FAM162A: variants seen among roughly 807,000 people sequenced by gnomAD.
FAM162A encodes the protein protein FAM162A.
FAM162A carries 23 observed loss-of-function variants against 21.8 expected under a neutral mutation model. The observed-to-expected ratio is 1.05, with a 90% CI of 0.76 to 1.49. The LOEUF is 1.49. FAM162A is among the 40% of genes most tolerant of loss of function. The pLI is 0.00. For synonymous variants in FAM162A, 53 were observed against 61.3 expected (o/e 0.86, Z 0.64); for missense variants, 165 against 186.4 (o/e 0.89, Z 0.67).
rs951039944 is a variant in FAM162A, at chr3:122,407,264, T to A, written c.264-17T>A. On this transcript the variant is annotated splice_polypyrimidine_tract_variant and intron_variant, in intron 3 of 4. Coordinates refer to ENST00000477892, the MANE Select transcript of FAM162A (RefSeq NM_014367.4). ...AAAAGTTAATAACTTTCTCTCATGATCTCATTGTATTACTAGGTTGGAGAT... is the reference window on the plus strand; with the variant it reads ...AAAAGTTAATAACTTTCTCTCATGAACTCATTGTATTACTAGGTTGGAGAT... The A allele has an allele frequency of 7.5e-6, 12 of 1,606,444 alleles. No homozygotes were observed. The highest frequency in any genetic ancestry group is 1.0e-5 in the Non-Finnish European group (12 of 1,173,646).
At chr3:122,408,566 G>A (rs138958884) in intron 4 of FAM162A, among the ~76,000 whole-genome samples, 108 of 152,272 alleles carry the variant, frequency 7.1e-4, no homozygotes, top group African/African-American at 2.4e-3. Context: ...ATGGGAGTAC[G>A]AAGGGGCAAA....
Position 122,402,804 on chromosome 3 carries a change from A to G in FAM162A, c.79A>G (p.Arg27Gly), listed in dbSNP as rs1560001670. The G allele has an allele frequency of 1.2e-6, 2 of 1,602,362 alleles. No homozygotes were observed. Among genetic ancestry groups the G allele is most frequent in the South Asian group, 1.1e-5 (1 of 87,670 alleles). ...TGAAAGAGATGTTTCCTCATCTCTAAGGCTTACCAGAAGCTCTGATTTGAA... is the reference window on the plus strand; with the variant it reads ...TGAAAGAGATGTTTCCTCATCTCTAGGGCTTACCAGAAGCTCTGATTTGAA... ...LCERDVSSSLRLTRSSDLKRI... is the reference protein window; with the variant it reads ...LCERDVSSSLGLTRSSDLKRI... The change falls in exon 2 of 5, where the codon AGG (arginine) becomes GGG (glycine). Residue 27 changes from arginine (R) to glycine (G), a missense_variant. Arg to Gly is a moderately radical substitution (Grantham distance 125). Transcript: ENST00000477892.
chr3:122,406,997 A>ATTT lies in FAM162A; in HGVS notation c.264-274_264-272dup, dbSNP rs11459889. Among the ~76,000 whole-genome samples the ATTT allele has an allele frequency of 3.1e-3, 460 of 146,148 alleles. 1 individual carries two copies. In the East Asian group the frequency reaches 0.034, roughly 11 times the overall value. ...AAGTGTAGATTAATATGCCTTGCCC[A>ATTT]TTTTTTTTTTTTGGCTTTGTTCTTG... On this transcript the variant is annotated intron_variant, in intron 3 of 4. Transcript: ENST00000477892.
chr3:122,392,932 C>T (rs1004204827), intron 1 of FAM162A, among the ~76,000 whole-genome samples: 12 of 152,148 alleles, frequency 7.9e-5, no homozygotes, highest in African/African-American at 2.7e-4. Flanking sequence ...AGTTAGAGAG[C>T]CTGCTGTGTT....
At chr3:122,395,586 A>G (rs1436948385) in intron 1 of FAM162A, among the ~76,000 whole-genome samples, 1 of 152,200 alleles carries the variant, frequency 6.6e-6, no homozygotes, top group Non-Finnish European at 1.5e-5. Context: ...TGAGAGACTT[A>G]ATATTTTTAA....
intron 1 of FAM162A, among the ~76,000 whole-genome samples, chr3:122,396,044 C>T (rs1207798799): frequency 6.6e-6 from 1 of 152,070 alleles, no homozygotes; most frequent in Non-Finnish European, 1.5e-5. Flanking sequence ...TAGTATAACT[C>T]AAAATGGATC....
rs912661905 is a variant in FAM162A, at chr3:122,401,578, G to A, written c.35-1182G>A. 36 of 1,228,634 alleles carry A rather than the reference G, an allele frequency of 2.9e-5. No individual in the cohort carries two copies. In the African/African-American group the frequency reaches 5.2e-4, roughly 18 times the overall value. The allele number at this position is 1,228,634 out of a possible 1,614,324, so 76.1% of individuals were successfully genotyped here. A position where few individuals can be genotyped will look rare whatever the true frequency, so the allele number is the denominator to read the frequency against. ...TAATTTTTATTTTTTAAAAGCTCAG[G>A]TGATTATAATTTCATCTGTGAAATG... On this transcript the variant is annotated intron_variant, in intron 1 of 4. Transcript: ENST00000477892.
At chr3:122,407,596 G>C in intron 4 of FAM162A, 1 of 506,058 alleles carries the variant, frequency 2.0e-6, no homozygotes, top group Non-Finnish European at 3.5e-6. Flanking sequence ...TAACTTTGGC[G>C]TGGTGAAGAA....
intron 1 of FAM162A, among the ~76,000 whole-genome samples, chr3:122,384,769 T>A (rs2107693377): frequency 6.6e-6 from 1 of 152,332 alleles, no homozygotes; most frequent in Non-Finnish European, 1.5e-5. Flanking sequence ...TCATTAAATG[T>A]CTGATTAGGC....
Position 122,404,363 on chromosome 3 carries a change from C to T in FAM162A, c.263C>T (p.Ser88Leu), listed in dbSNP as rs769819160. 9.1e-6 allele frequency: 14 copies of T among 1,535,180 alleles called. No individual in the cohort carries two copies. The highest frequency in any genetic ancestry group is 1.3e-5 in the Non-Finnish European group (14 of 1,117,850). The change falls in exon 3 of 5, where the codon TCG (serine) becomes TTG (leucine). Residue 88 changes from serine to leucine, a missense_variant and splice_region_variant. Physicochemically the swap from Ser to Leu is moderately radical, Grantham distance 145. Transcript: ENST00000477892. ...KKEDEIPETV[S>L]LEMLDAAKNK... ...GAAGATGAAATCCCAGAGACTGTCT[C>T]GTGAGTGCTGAATTTAGTATTACAA...
rs2075708677 is a variant in FAM162A, at chr3:122,412,141, G to A, written c.*2310G>A. 2 of 152,032 alleles carry A rather than the reference G, an allele frequency of 1.3e-5. No individual in the cohort carries two copies. The highest frequency in any genetic ancestry group is 6.6e-5 in the Admixed American group (1 of 15,266). The allele number at this position is 152,032 out of a possible 1,614,324, so 9.4% of individuals were successfully genotyped here. A position where few individuals can be genotyped will look rare whatever the true frequency, so the allele number is the denominator to read the frequency against. On this transcript the variant is annotated 3_prime_UTR_variant, in exon 5 of 5. Coordinates refer to ENST00000477892, the MANE Select transcript of FAM162A (RefSeq NM_014367.4). ...GAAACTGAATGAGCACTACTATAAG[G>A]TACCACAAACTACAAAAGGAGACAG...
At chr3:122,404,053 C>T (rs894470149) in intron 2 of FAM162A, among the ~76,000 whole-genome samples, 24 of 152,204 alleles carry the variant, frequency 1.6e-4, no homozygotes, top group African/African-American at 5.8e-4. Context: ...ACAAGCTCCT[C>T]ACCGTTTCCT....
rs2075685717 is a variant in FAM162A, at chr3:122,408,212, C to T, written c.372+823C>T. On this transcript the variant is annotated intron_variant, in intron 4 of 4. Transcript: ENST00000477892. The stretch of plus-strand genomic sequence containing the variant: ...TAACCCTAAGAGGTAAATAGTTTTC[C>T]CAAACTCACACAGCTAACAAGTGGC... 2.6e-5 allele frequency among the ~76,000 whole-genome samples: 4 copies of T among 152,104 alleles called. No individual in the cohort carries two copies. The South Asian group carries it at 8.3e-4, about 32-fold the overall frequency.
chr3:122,396,845 T>C (rs1350945039), intron 1 of FAM162A, among the ~76,000 whole-genome samples: 3 of 152,152 alleles, frequency 2.0e-5, no homozygotes, highest in Non-Finnish European at 2.9e-5. Flanking sequence ...CTTGAAAATA[T>C]AAGTAAAAGA....
intron 1 of FAM162A, among the ~76,000 whole-genome samples, chr3:122,389,572 A>C (rs925553413): frequency 6.6e-6 from 1 of 152,222 alleles, no homozygotes; most frequent in Non-Finnish European, 1.5e-5. Flanking sequence ...TACTTATAAC[A>C]CTGAAAAATT....
intron 1 of FAM162A, 131 bp downstream of exon 1, chr3:122,384,430 T>G (rs1290077038): frequency 1.8e-6 from 2 of 1,136,910 alleles, no homozygotes; most frequent in African/African-American, 3.1e-5. Flanking sequence ...CTCAGAATCC[T>G]ACCTACTTAG....
intron 1 of FAM162A, among the ~76,000 whole-genome samples, chr3:122,399,595 T>G (rs1576250627): frequency 6.6e-6 from 1 of 152,236 alleles, no homozygotes; most frequent in South Asian, 2.1e-4. Context: ...AACATACACA[T>G]TCATGTGTCT....
In FAM162A at chr3:122,410,269, T is replaced by G; in HGVS notation, c.*438T>G. ...TACTGGTGGGGAGGCTGCCCCCTAATAGAGCGAGCGCTGAGAAGCAGCCAG... is the reference window on the plus strand; with the variant it reads ...TACTGGTGGGGAGGCTGCCCCCTAAGAGAGCGAGCGCTGAGAAGCAGCCAG... On this transcript the variant is annotated 3_prime_UTR_variant, in exon 5 of 5. Transcript: ENST00000477892. The G allele has an allele frequency of 4.0e-6, 1 of 252,296 alleles. No homozygotes were observed. The highest frequency in any genetic ancestry group is 4.1e-5 in the South Asian group (1 of 24,222). 15.6% of individuals were successfully genotyped at this position (252,296 alleles called of 1,614,324 possible).
rs182609416 is a variant in FAM162A at position 122,405,334 on chromosome 3, A to G, written c.263+971A>G. ...CTCATTCAGGATTTCTTTCCCAGGG[A>G]AATATGTAGTATTTACTTTCTGTTT... On this transcript the variant is annotated intron_variant, in intron 3 of 4. Transcript: ENST00000477892. Among the ~76,000 whole-genome samples the G allele has an allele frequency of 2.3e-3, 355 of 152,296 alleles. 2 individuals are homozygous for G. Among genetic ancestry groups the G allele is most frequent in the African/African-American group, 8.3e-3 (344 of 41,562 alleles).
Sources: gnomAD v4.1 joint callset for allele counts (sites outside exome capture counted in the v4.1 genomes callset) on GRCh38, gnomAD v4.1.1 for gene constraint, MANE v1.5 for transcripts, NCBI Gene and HGNC (gene_info 2026-07-23, HGNC 2026-07-21) for gene names.